ARHGAP44: variants seen among roughly 807,000 people sequenced by gnomAD.
The protein encoded by ARHGAP44 is Rho GTPase activating protein 44, also known as rho GTPase-activating protein 44.
Under a neutral mutation model 106.8 loss-of-function variants are expected in ARHGAP44, and 43 were observed. That is an observed-to-expected ratio of 0.40 (90% CI 0.32 to 0.52). The LOEUF (loss-of-function observed/expected upper bound fraction) is 0.52. Ranked by LOEUF, ARHGAP44 falls within the 20% of genes least tolerant of loss-of-function variation. ARHGAP44 has a pLI of 0.48. For missense variants in ARHGAP44, 866 were observed against 1,050.5 expected (o/e 0.82, Z 2.43); for synonymous variants, 439 against 410.3 (o/e 1.07, Z -0.85).
intron 5 of ARHGAP44, among the ~76,000 whole-genome samples, 154 bp from the exon 6 acceptor site, chr17:12,919,601 G>T (rs962533786): frequency 1.3e-5 from 2 of 152,128 alleles, no homozygotes; most frequent in Admixed American, 1.3e-4. Context: ...GGCCAGGCTG[G>T]TCTCGAACTC....
intron 1 of ARHGAP44, among the ~76,000 whole-genome samples, chr17:12,816,921 A>G (rs1414880693): frequency 6.6e-6 from 1 of 152,178 alleles, no homozygotes; most frequent in African/African-American, 2.4e-5. Flanking sequence ...TCTAATTGGC[A>G]TTTATAGAAT....
chr17:12,802,753 C>CTTTTTTT (rs869172678), intron 1 of ARHGAP44, among the ~76,000 whole-genome samples: 14 of 108,710 alleles, frequency 1.3e-4, no homozygotes, highest in African/African-American at 2.0e-4. Context: ...TTTTTTATTT[C>CTTTTTTT]TTTTTTTTTT....
intron 7 of ARHGAP44, among the ~76,000 whole-genome samples, chr17:12,930,390 C>T (rs551614428): frequency 4.7e-4 from 71 of 152,138 alleles, no homozygotes; most frequent in African/African-American, 1.6e-3. Context: ...CACACAACCA[C>T]GCTTGGCTAA....
intron 6 of ARHGAP44, among the ~76,000 whole-genome samples, chr17:12,920,644 A>T (rs2038055667): frequency 1.3e-5 from 2 of 152,116 alleles, no homozygotes. Flanking sequence ...GAGAAGTAGG[A>T]GGTGAGAGCC....
At chr17:12,896,283 C>T (rs1181549653) in intron 2 of ARHGAP44, 124 bp from the exon 3 acceptor site, 19 of 719,462 alleles carry the variant, frequency 2.6e-5, no homozygotes, top group Middle Eastern at 3.7e-4. Context: ...AACAAAAAAA[C>T]AAAGCTGTCT....
intron 17 of ARHGAP44, 104 bp from the exon 18 acceptor site, chr17:12,973,985 C>CGCT: frequency 8.1e-7 from 1 of 1,229,104 alleles, no homozygotes; most frequent in Non-Finnish European, 1.2e-6. Context: ...GCTAAAGCTG[C>CGCT]GCTGCTCTTC....
At chr17:12,863,885 G>A (rs561361963) in intron 1 of ARHGAP44, among the ~76,000 whole-genome samples, 1 of 152,228 alleles carries the variant, frequency 6.6e-6, no homozygotes, top group African/African-American at 2.4e-5. Context: ...TGCTGGGGCT[G>A]GTGTCATTTG....
chr17:12,895,123 C>CT, intron 2 of ARHGAP44, 144 bp downstream of exon 2: 1 of 718,298 alleles, frequency 1.4e-6, no homozygotes, highest in Non-Finnish European at 2.2e-6. Context: ...CAGCGAGACT[C>CT]TGTCTCAAAA....
At chr17:12,868,588 ATT>A (rs71854587) in intron 1 of ARHGAP44, among the ~76,000 whole-genome samples, 1,955 of 20,158 alleles carry the variant, frequency 0.097, 76 homozygotes, top group Admixed American at 0.17. Flanking sequence ...ATATATATGC[ATT>A]TTATATATAT....
intron 1 of ARHGAP44, among the ~76,000 whole-genome samples, chr17:12,801,730 A>T (rs2034098328): frequency 6.6e-6 from 1 of 152,200 alleles, no homozygotes; most frequent in South Asian, 2.1e-4. Context: ...ACAGTATTTT[A>T]AAAAATGCAT....
intron 1 of ARHGAP44, among the ~76,000 whole-genome samples, chr17:12,817,728 A>G (rs2034638073): frequency 6.6e-6 from 1 of 152,066 alleles, no homozygotes; most frequent in African/African-American, 2.4e-5. Context: ...AGGATTAAAA[A>G]GTATCACACA....
intron 1 of ARHGAP44, among the ~76,000 whole-genome samples, chr17:12,894,264 G>C (rs142349310): frequency 2.0e-5 from 3 of 150,842 alleles, no homozygotes; most frequent in African/African-American, 7.4e-5. Context: ...GTGTGTGCAC[G>C]TGCGTGCGTG....
chr17:12,938,306 G>A (rs2038606782), intron 7 of ARHGAP44, among the ~76,000 whole-genome samples: 1 of 152,132 alleles, frequency 6.6e-6, no homozygotes, highest in South Asian at 2.1e-4. Flanking sequence ...AGATATAATT[G>A]TAGTAAATTT....
chr17:12,966,226 C>G (rs1167661316), intron 16 of ARHGAP44, among the ~76,000 whole-genome samples: 1 of 151,840 alleles, frequency 6.6e-6, no homozygotes. Context: ...TACTTCAGAG[C>G]TTGAACCTAT....
At chr17:12,841,624 ACACACACAC>A (rs1349618387) in intron 1 of ARHGAP44, among the ~76,000 whole-genome samples, 2 of 144,126 alleles carry the variant, frequency 1.4e-5, no homozygotes, top group Middle Eastern at 3.2e-3. Context: ...ACACACACAC[ACACACACAC>A]ACACACAAAC....
At chr17:12,851,561 T>C (rs886651141) in intron 1 of ARHGAP44, among the ~76,000 whole-genome samples, 1 of 152,030 alleles carries the variant, frequency 6.6e-6, no homozygotes, top group East Asian at 1.9e-4. Context: ...TCCGTCCGGT[T>C]GTAGCTGGGA....
At chr17:12,848,367 T>C (rs867961624) in intron 1 of ARHGAP44, among the ~76,000 whole-genome samples, 9 of 151,872 alleles carry the variant, frequency 5.9e-5, no homozygotes, top group Non-Finnish European at 8.8e-5. Context: ...ATTCAGACTT[T>C]AAAACGATTT....
chr17:12,965,178 G>A (rs1465830835), intron 16 of ARHGAP44, among the ~76,000 whole-genome samples: 2 of 152,136 alleles, frequency 1.3e-5, no homozygotes, highest in East Asian at 1.9e-4. Flanking sequence ...CCGATGGGCC[G>A]GCGATCTGCC....
chr17:12,949,838 T>C lies in ARHGAP44; in HGVS notation c.1055+108T>C, dbSNP rs1237203151. On this transcript the variant is annotated intron_variant, in intron 12 of 20. Transcript: ENST00000379672. The surrounding 1 kb of genome is among the most constrained non-coding windows in gnomAD (Gnocchi z 4.1). ...ATGATCTCGCAACCCCGTTTCTTGA[T>C]CTCTGCCATGAAGGAGTGCTTATAC... 6.3e-6 allele frequency: 7 copies of C among 1,102,542 alleles called. No homozygotes were observed. The highest frequency in any genetic ancestry group is 2.1e-5 in the Admixed American group (1 of 46,974). The allele number at this position is 1,102,542 out of a possible 1,614,324, so 68.3% of individuals were successfully genotyped here.
Sources: gnomAD v4.1 joint callset for allele counts (sites outside exome capture counted in the v4.1 genomes callset) on GRCh38, gnomAD v4.1.1 for gene constraint, Gnocchi (gnomAD v3.1) non-coding constraint, MANE v1.5 for transcripts, NCBI Gene and HGNC (gene_info 2026-07-23, HGNC 2026-07-21) for gene names.